Variants in LIFR observed in about 807,000 individuals in gnomAD.
LIFR encodes leukemia inhibitory factor receptor.
In LIFR, 84 loss-of-function variants were observed where a neutral mutation model predicts 122.2. That is an observed-to-expected ratio of 0.69 (90% CI 0.58 to 0.82). LIFR has a LOEUF of 0.82. Ranked by LOEUF, LIFR falls within the 40% of genes least tolerant of loss-of-function variation. LIFR has a pLI of 0.00. For missense variants in LIFR, 1,294 were observed against 1,311.6 expected, an observed-to-expected ratio of 0.99 and a Z score of 0.21; for synonymous variants, 422 against 434.7, an observed-to-expected ratio of 0.97 and a Z score of 0.36.
At chr5:38,541,078 A>T (rs1425728791) in intron 1 of LIFR, among the ~76,000 whole-genome samples, 1 of 152,238 alleles carries the variant, frequency 6.6e-6, no homozygotes, top group East Asian at 1.9e-4. Flanking sequence ...CAAAATCTTA[A>T]GCATCATCTT....
chr5:38,519,630 A>C (rs1267842479), intron 5 of LIFR, among the ~76,000 whole-genome samples: 1 of 152,136 alleles, frequency 6.6e-6, no homozygotes, highest in Non-Finnish European at 1.5e-5. Context: ...CACCCTTCTC[A>C]GTCTCTAGTA....
intron 1 of LIFR, among the ~76,000 whole-genome samples, chr5:38,539,314 T>G (rs898019385): frequency 6.6e-6 from 1 of 152,174 alleles, no homozygotes; most frequent in African/African-American, 2.4e-5. Flanking sequence ...ATGCTCCCAC[T>G]GGACATCAAT....
At chr5:38,535,040 T>C (rs939548278) in intron 1 of LIFR, among the ~76,000 whole-genome samples, 2 of 152,224 alleles carry the variant, frequency 1.3e-5, no homozygotes, top group Non-Finnish European at 2.9e-5. Context: ...GTGTACCCAT[T>C]CTCTGGAAGC....
chr5:38,587,264 G>A (rs1167753215), intron 1 of LIFR, among the ~76,000 whole-genome samples: 1 of 152,058 alleles, frequency 6.6e-6, no homozygotes, highest in East Asian at 1.9e-4. Context: ...GGGAAACTGA[G>A]GAGCATATAC....
chr5:38,548,694 A>T (rs1222891257), intron 1 of LIFR, among the ~76,000 whole-genome samples: 1 of 152,230 alleles, frequency 6.6e-6, no homozygotes, highest in Non-Finnish European at 1.5e-5. Flanking sequence ...ATACAGGACT[A>T]TTCAAGACAA....
intron 5 of LIFR, among the ~76,000 whole-genome samples, chr5:38,522,655 T>C (rs1746464853): frequency 6.6e-6 from 1 of 152,246 alleles, no homozygotes; most frequent in East Asian, 1.9e-4. Flanking sequence ...GGCTAGGTGC[T>C]AGCTGACTAT....
chr5:38,512,194 T>C (rs1415930152), intron 5 of LIFR, among the ~76,000 whole-genome samples: 1 of 152,214 alleles, frequency 6.6e-6, no homozygotes, highest in African/African-American at 2.4e-5. Context: ...GATGTTGCTA[T>C]TCATTGAAAC....
At chr5:38,524,238 A>G (rs1316638805) in intron 4 of LIFR, among the ~76,000 whole-genome samples, 1 of 152,222 alleles carries the variant, frequency 6.6e-6, no homozygotes, top group Non-Finnish European at 1.5e-5. Flanking sequence ...TGCTATGGGC[A>G]TTACTGATTT....
chr5:38,595,790 C>T (rs1179824357), upstream of LIFR, among the ~76,000 whole-genome samples: 1 of 140,356 alleles, frequency 7.1e-6, no homozygotes, highest in East Asian at 2.1e-4. Context: ...TGGAGTGCAG[C>T]GGCTCGATCT....
intron 5 of LIFR, among the ~76,000 whole-genome samples, chr5:38,523,218 T>C (rs1161421785): frequency 1.3e-5 from 2 of 152,202 alleles, no homozygotes; most frequent in East Asian, 3.8e-4. Flanking sequence ...TAATTTCCTA[T>C]GCTATCTGTA....
chr5:38,503,851 T>C (rs893364659), intron 10 of LIFR, 125 bp downstream of exon 10: 1 of 733,202 alleles, frequency 1.4e-6, no homozygotes, highest in Admixed American at 2.3e-5. Flanking sequence ...GTAATGTCTT[T>C]CTTGGTTCTT....
intron 1 of LIFR, among the ~76,000 whole-genome samples, chr5:38,564,153 G>A (rs1748928951): frequency 6.6e-6 from 1 of 151,910 alleles, no homozygotes; most frequent in Non-Finnish European, 1.5e-5. Flanking sequence ...TCCTTCGGGT[G>A]TTGTTTGAGT....
At position 38,481,202 on chromosome 5, in the gene LIFR, C is replaced by A. The variant is rs779132960; in HGVS notation, c.*393G>T. On this transcript the variant is annotated 3_prime_UTR_variant, in exon 20 of 20. Transcript: ENST00000453190. ...ACTTGGACATTTTCTCCCTGGCCTG[C>A]AAATCCACTTACAATTCCACCAAGT... is the stretch of plus-strand genomic sequence containing the variant. 27 of 285,218 alleles carry A rather than the reference C, an allele frequency of 9.5e-5. No homozygotes were observed. The highest frequency in any genetic ancestry group is 1.5e-4 in the Non-Finnish European group (22 of 150,258). 17.7% of individuals were successfully genotyped at this position (285,218 alleles called of 1,614,324 possible). A position where few individuals can be genotyped will look rare whatever the true frequency, so the allele number is the denominator to read the frequency against.
upstream of LIFR, among the ~76,000 whole-genome samples, chr5:38,599,322 C>A (rs1393527893): frequency 6.6e-6 from 1 of 152,210 alleles, no homozygotes; most frequent in Non-Finnish European, 1.5e-5. Flanking sequence ...AATAGAGTGA[C>A]CCCAAACTGG....
At chr5:38,521,997 A>G (rs536826607) in intron 5 of LIFR, among the ~76,000 whole-genome samples, 2 of 152,288 alleles carry the variant, frequency 1.3e-5, no homozygotes, top group Admixed American at 1.3e-4. Context: ...TGTAGACACT[A>G]GCTGTGGTAG....
At chr5:38,583,370 C>A (rs114855114) in intron 1 of LIFR, among the ~76,000 whole-genome samples, 1,618 of 152,196 alleles carry the variant, frequency 0.011, 21 homozygotes, top group African/African-American at 0.036. Flanking sequence ...TGGAAACGAA[C>A]CAATTCTCAT....
intron 8 of LIFR, 71 bp from the exon 9 acceptor site, chr5:38,506,145 G>C (rs1242405743): frequency 2.1e-6 from 2 of 974,416 alleles, no homozygotes; most frequent in Non-Finnish European, 3.2e-6. Flanking sequence ...GGGCAAATTC[G>C]TAATACTTAA....
At chr5:38,500,586 A>G (rs1745124140) in intron 11 of LIFR, among the ~76,000 whole-genome samples, 1 of 152,216 alleles carries the variant, frequency 6.6e-6, no homozygotes, top group African/African-American at 2.4e-5. Context: ...TGGTGCTCAA[A>G]AAGTTTTGGA....
intron 9 of LIFR, among the ~76,000 whole-genome samples, chr5:38,504,569 CA>C (rs1412387693): frequency 1.3e-5 from 2 of 151,938 alleles, no homozygotes; most frequent in African/African-American, 4.8e-5. Flanking sequence ...ATGAGCTATG[CA>C]GGAAGAATCA....
Sources: gnomAD v4.1 joint callset for allele counts (sites outside exome capture counted in the v4.1 genomes callset) on GRCh38, gnomAD v4.1.1 for gene constraint, MANE v1.5 for transcripts, NCBI Gene and HGNC (gene_info 2026-07-23, HGNC 2026-07-21) for gene names.